Variants in PROZ observed in about 807,000 individuals in gnomAD.
PROZ encodes the protein protein Z, vitamin K dependent plasma glycoprotein.
PROZ carries 46 observed loss-of-function variants against 34.9 expected under a neutral mutation model. The ratio of observed to expected loss-of-function variants is 1.32; its 90% CI spans 1.04 to 1.69. The LOEUF is 1.69. PROZ is among the 40% of genes most tolerant of loss of function. The pLI is 0.00. For missense variants in PROZ, 530 were observed against 520.4 expected, an observed-to-expected ratio of 1.02 and a Z score of -0.18; for synonymous variants, 195 against 208.5, an observed-to-expected ratio of 0.94 and a Z score of 0.56.
intron 4 of PROZ, 82 bp downstream of exon 4, chr13:113,163,204 C>CTG: frequency 8.4e-7 from 1 of 1,184,406 alleles, no homozygotes; most frequent in Non-Finnish European, 1.2e-6. Flanking sequence ...CCCAATGGGC[C>CTG]CCTCCTGAGG....
At chr13:113,161,716 G>A (rs2036763485) in intron 3 of PROZ, among the ~76,000 whole-genome samples, 2 of 151,924 alleles carry the variant, frequency 1.3e-5, no homozygotes, top group Admixed American at 1.3e-4. Flanking sequence ...GGCATGGGGA[G>A]CAGCATGAGC....
At chr13:113,169,554 G>A (rs2037047036) in intron 6 of PROZ, among the ~76,000 whole-genome samples, 1 of 152,158 alleles carries the variant, frequency 6.6e-6, no homozygotes, top group South Asian at 2.1e-4. Flanking sequence ...TATTGTCCTA[G>A]GACACAGTTA....
chr13:113,170,537 AT>A lies in PROZ; in HGVS notation c.691+11del. ...AATATTACTGTAAAAACATGTAAGT[AT>A]TTTATCATGAGTTTTTATAAAACCA... On this transcript the variant is annotated splice_region_variant and intron_variant, in intron 7 of 7. Coordinates refer to ENST00000375547, the MANE Select transcript of PROZ (RefSeq NM_003891.3). 6.7e-7 allele frequency: 1 copy of A among 1,488,184 alleles called. No homozygotes were observed. Among genetic ancestry groups the A allele is most frequent in the Non-Finnish European group, 9.4e-7 (1 of 1,065,884 alleles). 92.2% of individuals were successfully genotyped at this position (1,488,184 alleles called of 1,614,324 possible).
At chr13:113,164,383 A>G (rs1178056663) in intron 4 of PROZ, 130 bp from the exon 5 acceptor site, 1 of 1,036,636 alleles carries the variant, frequency 9.6e-7, no homozygotes, top group Non-Finnish European at 1.4e-6. Flanking sequence ...CACATGGACC[A>G]ACACACCAGA....
rs1382472722 is a variant in PROZ at position 113,159,603 on chromosome 13, T to C, written c.71-411T>C. ...ATGTATAAGTTTCTTCTTTATGTGT[T>C]TTATCAAGATGTTAAATGCTGCGCA... is the stretch of plus-strand genomic sequence containing the variant. On this transcript the variant is annotated intron_variant, in intron 1 of 7. Coordinates refer to ENST00000375547, the MANE Select transcript of PROZ (RefSeq NM_003891.3). The surrounding 1 kb of genome is among the most constrained non-coding windows in gnomAD (Gnocchi z 4.6). Among the ~76,000 whole-genome samples the C allele has an allele frequency of 1.3e-5, 2 of 152,220 alleles. No homozygotes were observed. The highest frequency in any genetic ancestry group is 6.5e-5 in the Admixed American group (1 of 15,284).
Position 113,158,768 on chromosome 13 carries a change from G to A in PROZ, c.70+38G>A, listed in dbSNP as rs1555397092. Reference sequence around the variant, plus strand: ...CTTACCTGTCTGTTGTGCCTGTGCTGTGTCTTTCTTGACTCGGTCCATGGT... The same window carrying A: ...CTTACCTGTCTGTTGTGCCTGTGCTATGTCTTTCTTGACTCGGTCCATGGT... On this transcript the variant is annotated intron_variant, in intron 1 of 7. Transcript: ENST00000375547. The surrounding 1 kb of genome is among the most constrained non-coding windows in gnomAD (Gnocchi z 4.3). The A allele has an allele frequency of 1.3e-6, 2 of 1,558,778 alleles. No homozygotes were observed. Among genetic ancestry groups the A allele is most frequent in the Non-Finnish European group, 1.7e-6 (2 of 1,147,712 alleles).
rs752793756 is a variant in PROZ, at chr13:113,160,973, G to C, written c.259+1G>C. 1 of 1,606,612 alleles carries C rather than the reference G, an allele frequency of 6.2e-7. No individual in the cohort carries two copies. ...GATGAATTCTGGAGACGATATAAGG[G>C]TAAGTGGTTTCCTTCGTCTCCTCAG... On this transcript the variant is annotated splice_donor_variant, in intron 3 of 7. Coordinates refer to ENST00000375547, the MANE Select transcript of PROZ (RefSeq NM_003891.3). LOFTEE classifies it high-confidence loss of function.
Position 113,160,274 on chromosome 13 carries a change from G to GT in PROZ, c.234+97_234+98insT, listed in dbSNP as rs1555397248. On this transcript the variant is annotated intron_variant, in intron 2 of 7. Coordinates refer to ENST00000375547, the MANE Select transcript of PROZ (RefSeq NM_003891.3). ...CTCAGAGATTAAGCTTAATTAATTA[G>GT]CCTATTTACTTACCGATGAGGTTGA... The GT allele has an allele frequency of 1.7e-5, 24 of 1,420,394 alleles. No homozygotes were observed. In the South Asian group the frequency reaches 1.9e-4, roughly 11 times the overall value. 88.0% of individuals were successfully genotyped at this position (1,420,394 alleles called of 1,614,324 possible). A position where few individuals can be genotyped will look rare whatever the true frequency, so the allele number is the denominator to read the frequency against.
Position 113,159,542 on chromosome 13 carries a change from T to A in PROZ, c.71-472T>A, listed in dbSNP as rs2036724943. Among the ~76,000 whole-genome samples, 1 of 152,250 alleles carries A rather than the reference T, an allele frequency of 6.6e-6. No homozygotes were observed. Among genetic ancestry groups the A allele is most frequent in the Non-Finnish European group, 1.5e-5 (1 of 68,044 alleles). Reference sequence around the variant, plus strand: ...GACCACTGCCGCGGGTCAACTCATTTGCCTTCTCCTCCTGGAAATCGCAGA... The same window carrying A: ...GACCACTGCCGCGGGTCAACTCATTAGCCTTCTCCTCCTGGAAATCGCAGA... On this transcript the variant is annotated intron_variant, in intron 1 of 7. Coordinates refer to ENST00000375547, the MANE Select transcript of PROZ (RefSeq NM_003891.3). This position sits in a 1 kb window ranked among gnomAD's most constrained non-coding sequence, Gnocchi z 4.6.
chr13:113,160,206 C>T (rs771353830), intron 2 of PROZ, 29 bp downstream of exon 2: 2 of 1,611,098 alleles, frequency 1.2e-6, no homozygotes, highest in South Asian at 1.1e-5. Flanking sequence ...AACCACAGGC[C>T]TCCTCATTAT....
chr13:113,165,158 ATGAC>A, intron 6 of PROZ, 38 bp downstream of exon 6: 1 of 1,574,070 alleles, frequency 6.4e-7, no homozygotes, highest in South Asian at 1.1e-5. Flanking sequence ...ATTTATTGTT[ATGAC>A]TTTCACCTCA....
At chr13:113,167,267 T>G (rs573316653) in intron 6 of PROZ, among the ~76,000 whole-genome samples, 11 of 152,314 alleles carry the variant, frequency 7.2e-5, no homozygotes, top group Admixed American at 7.2e-4. Context: ...CCCCTAGAGG[T>G]GCAGTGAGGA....
intron 6 of PROZ, chr13:113,166,003 C>CA (rs1309633474): frequency 6.6e-6 from 1 of 152,246 alleles, no homozygotes; most frequent in East Asian, 1.9e-4. Flanking sequence ...TATATCTTCA[C>CA]AAAATAGATA....
chr13:113,159,953 C>A lies in PROZ; in HGVS notation c.71-61C>A. ...GCGGCCGGCCGGGGAGGAAGCCAGG[C>A]AGCTCTGGAAAGCAGGGCCCTCGGT... On this transcript the variant is annotated intron_variant, in intron 1 of 7. Transcript: ENST00000375547. This position sits in a 1 kb window ranked among gnomAD's most constrained non-coding sequence, Gnocchi z 4.6. 6.3e-7 allele frequency: 1 copy of A among 1,596,130 alleles called. No individual in the cohort carries two copies. Among genetic ancestry groups the A allele is most frequent in the Non-Finnish European group, 8.6e-7 (1 of 1,165,302 alleles).
At chr13:113,167,321 G>A (rs2036967870) in intron 6 of PROZ, among the ~76,000 whole-genome samples, 1 of 152,334 alleles carries the variant, frequency 6.6e-6, no homozygotes, top group South Asian at 2.1e-4. Flanking sequence ...TCAACAAGTG[G>A]CAGCTATTAT....
chr13:113,160,359 C>T (rs552262366), intron 2 of PROZ, among the ~76,000 whole-genome samples, 182 bp downstream of exon 2: 132 of 152,236 alleles, frequency 8.7e-4, no homozygotes, highest in African/African-American at 3.1e-3. Flanking sequence ...TCCACCTTTC[C>T]CTACAGCAGT....
rs1292369916 is a variant in PROZ, at chr13:113,171,179, T to G, written c.692-415T>G. ...CTTAAGTGATCGACCTGCCTCGGCC[T>G]CCCGAAGCGCTGGGATTACAGATGT... On this transcript the variant is annotated intron_variant, in intron 7 of 7. Transcript: ENST00000375547. This position sits in a 1 kb window ranked among gnomAD's most constrained non-coding sequence, Gnocchi z 5.1. Among the ~76,000 whole-genome samples, 1 of 152,206 alleles carries G rather than the reference T, an allele frequency of 6.6e-6. No homozygotes were observed. Among genetic ancestry groups the G allele is most frequent in the Non-Finnish European group, 1.5e-5 (1 of 68,038 alleles).
chr13:113,164,772 G>T, intron 5 of PROZ, 128 bp downstream of exon 5: 1 of 1,428,634 alleles, frequency 7.0e-7, no homozygotes, highest in Non-Finnish European at 9.6e-7. Context: ...CTCAGAAGGT[G>T]GTCCGCGTCT....
chr13:113,158,751 T>C lies in PROZ; in HGVS notation c.70+21T>C. ...CTCAGGTAGGCATCTGGCTTACCTGTCTGTTGTGCCTGTGCTGTGTCTTTC... is the reference window on the plus strand; with the variant it reads ...CTCAGGTAGGCATCTGGCTTACCTGCCTGTTGTGCCTGTGCTGTGTCTTTC... On this transcript the variant is annotated intron_variant, in intron 1 of 7. Transcript: ENST00000375547. This position sits in a 1 kb window ranked among gnomAD's most constrained non-coding sequence, Gnocchi z 4.3. The C allele has an allele frequency of 6.3e-7, 1 of 1,583,148 alleles. No homozygotes were observed. Among genetic ancestry groups the C allele is most frequent in the African/African-American group, 1.3e-5 (1 of 74,150 alleles).
Sources: allele counts gnomAD v4.1 joint callset (sites outside exome capture counted in the v4.1 genomes callset), GRCh38; gene constraint gnomAD v4.1.1; non-coding constraint Gnocchi (gnomAD v3.1); transcripts MANE v1.5; gene names NCBI Gene and HGNC (gene_info 2026-07-23, HGNC 2026-07-21).